CNTN5: variants seen among roughly 807,000 people sequenced by gnomAD.
The protein encoded by CNTN5 is contactin-5.
In CNTN5, 77 loss-of-function variants were observed where a neutral mutation model predicts 129.1. That is an observed-to-expected ratio of 0.60 (90% CI 0.50 to 0.72). The LOEUF is 0.72. CNTN5 is among the 30% of genes least tolerant of loss of function. The pLI is 0.00. For missense variants in CNTN5, 1,478 were observed against 1,328.8 expected, an observed-to-expected ratio of 1.11 and a Z score of -1.75; for synonymous variants, 509 against 465.6, an observed-to-expected ratio of 1.09 and a Z score of -1.20.
chr11:99,273,818 A>G (rs954838367), intron 1 of CNTN5, among the ~76,000 whole-genome samples: 1 of 151,728 alleles, frequency 6.6e-6, no homozygotes, highest in Admixed American at 6.6e-5. Flanking sequence ...TGAATAGTCA[A>G]ATCATCTTCA....
intron 1 of CNTN5, among the ~76,000 whole-genome samples, chr11:99,027,101 T>G (rs1360849727): frequency 6.9e-6 from 1 of 144,664 alleles, no homozygotes; most frequent in Non-Finnish European, 1.5e-5. Flanking sequence ...ACAGAAGGGG[T>G]TTTTTTTTTG....
chr11:99,257,932 G>A lies in CNTN5; in HGVS notation c.-209-67414G>A, dbSNP rs775171323. ...GAAAGAAGTATCATTCCTATTTTAC[G>A]CTTAAGAGACAAGAGGTTGACTCAC... On this transcript the variant is annotated intron_variant, in intron 1 of 24. Transcript: ENST00000524871. Among the ~76,000 whole-genome samples, 5 of 151,938 alleles carry A rather than the reference G, an allele frequency of 3.3e-5. No individual in the cohort carries two copies. The Middle Eastern group carries it at 0.01, about 310-fold the overall frequency.
intron 9 of CNTN5, among the ~76,000 whole-genome samples, chr11:100,031,775 T>C (rs1337443014): frequency 6.6e-6 from 1 of 152,224 alleles, no homozygotes; most frequent in Non-Finnish European, 1.5e-5. Flanking sequence ...ACTGTACTTC[T>C]ACATACAGGT....
At chr11:100,018,234 A>G (rs954574428) in intron 9 of CNTN5, among the ~76,000 whole-genome samples, 1 of 151,966 alleles carries the variant, frequency 6.6e-6, no homozygotes, top group Admixed American at 6.6e-5. Flanking sequence ...AAACCATCGC[A>G]CAATCCACAT....
intron 6 of CNTN5, among the ~76,000 whole-genome samples, chr11:99,878,077 T>A (rs536786147): frequency 1.3e-5 from 2 of 152,222 alleles, no homozygotes; most frequent in Non-Finnish European, 2.9e-5. Flanking sequence ...GCATACATTA[T>A]AACTGTACCA....
chr11:99,565,587 T>A (rs1413251152), intron 3 of CNTN5, among the ~76,000 whole-genome samples: 6 of 152,202 alleles, frequency 3.9e-5, no homozygotes, highest in Non-Finnish European at 8.8e-5. Context: ...TACCACTTGG[T>A]ATTCAAAGAG....
intron 15 of CNTN5, among the ~76,000 whole-genome samples, chr11:100,201,877 T>C (rs1948786993): frequency 6.6e-6 from 1 of 151,966 alleles, no homozygotes; most frequent in Admixed American, 6.6e-5. Context: ...AAGAGAGTTA[T>C]CTGGTTCAAG....
intron 1 of CNTN5, among the ~76,000 whole-genome samples, chr11:99,028,018 A>G (rs1160670242): frequency 1.3e-5 from 2 of 151,744 alleles, no homozygotes; most frequent in African/African-American, 4.8e-5. Flanking sequence ...AGCCCAATGA[A>G]TAGTCATTTT....
chr11:99,513,010 C>T (rs1274710012), intron 2 of CNTN5, among the ~76,000 whole-genome samples: 4 of 152,052 alleles, frequency 2.6e-5, no homozygotes, highest in African/African-American at 2.4e-5. Flanking sequence ...CCTCTTATGC[C>T]AAACAGTTAG....
intron 6 of CNTN5, among the ~76,000 whole-genome samples, chr11:99,885,600 G>A (rs914410790): frequency 6.6e-6 from 1 of 152,120 alleles, no homozygotes; most frequent in African/African-American, 2.4e-5. Flanking sequence ...TAACAGGAAC[G>A]TTTTAAGATG....
chr11:99,593,655 G>C (rs147618897), intron 3 of CNTN5, among the ~76,000 whole-genome samples: 1 of 152,292 alleles, frequency 6.6e-6, no homozygotes, highest in Non-Finnish European at 1.5e-5. Context: ...GAAAAACAAA[G>C]TTAGTATTTT....
At chr11:99,086,858 G>A (rs577832876) in intron 1 of CNTN5, among the ~76,000 whole-genome samples, 3 of 152,120 alleles carry the variant, frequency 2.0e-5, no homozygotes, top group Non-Finnish European at 4.4e-5. Flanking sequence ...TCTATAAAAT[G>A]TTTACCATAT....
chr11:100,068,123 A>C (rs1163193834), intron 10 of CNTN5, among the ~76,000 whole-genome samples: 1 of 152,204 alleles, frequency 6.6e-6, no homozygotes, highest in African/African-American at 2.4e-5. Context: ...AGTCTAACAA[A>C]TACAATCAGT....
At chr11:99,306,557 A>G (rs998669706) in intron 1 of CNTN5, among the ~76,000 whole-genome samples, 2 of 151,972 alleles carry the variant, frequency 1.3e-5, no homozygotes, top group African/African-American at 2.4e-5. Flanking sequence ...AATTGTTAAT[A>G]TGAATTTCTC....
intron 24 of CNTN5, among the ~76,000 whole-genome samples, chr11:100,355,382 C>A (rs986608553): frequency 1.3e-5 from 2 of 151,626 alleles, no homozygotes; most frequent in African/African-American, 4.8e-5. Context: ...GATAATAATG[C>A]CGCCTTCTGG....
rs773578991 is a variant in CNTN5, at chr11:99,916,158, G to A, written c.673+9G>A. On this transcript the variant is annotated intron_variant, in intron 7 of 24. Transcript: ENST00000524871. ...TCCGCCACATTCACCAGGTACAGTA[G>A]GATCTCATTCTTTGCTGCTGCTGCT... The A allele has an allele frequency of 5.6e-6, 9 of 1,605,550 alleles. No individual in the cohort carries two copies. In the African/African-American group the frequency reaches 1.2e-4, roughly 21 times the overall value.
chr11:99,831,702 A>C (rs1947145806), intron 4 of CNTN5, among the ~76,000 whole-genome samples: 1 of 152,174 alleles, frequency 6.6e-6, no homozygotes, highest in African/African-American at 2.4e-5. Flanking sequence ...GTTGTCTTAT[A>C]AAATCCACTT....
Position 99,506,067 on chromosome 11 carries a change from A to C in CNTN5, c.-70-50078A>C, listed in dbSNP as rs149317646. On this transcript the variant is annotated intron_variant, in intron 2 of 24. Coordinates refer to ENST00000524871, the MANE Select transcript of CNTN5 (RefSeq NM_014361.4). Reference sequence around the variant, plus strand: ...AATCCCTCACCTTAGGCTGCTGCATAATGCATTCCAGCTTGTTGCTCTGAG... The same window carrying C: ...AATCCCTCACCTTAGGCTGCTGCATCATGCATTCCAGCTTGTTGCTCTGAG... 1.4e-3 allele frequency among the ~76,000 whole-genome samples: 217 copies of C among 152,288 alleles called. 8 individuals are homozygous for C. In the East Asian group the frequency reaches 0.038, roughly 27 times the overall value.
chr11:99,997,120 T>C (rs996828424), intron 8 of CNTN5, among the ~76,000 whole-genome samples: 1 of 152,230 alleles, frequency 6.6e-6, no homozygotes, highest in Non-Finnish European at 1.5e-5. Flanking sequence ...TATTTGATTC[T>C]TCTCTCTTTT....
Sources: allele counts gnomAD v4.1 joint callset (sites outside exome capture counted in the v4.1 genomes callset), GRCh38; gene constraint gnomAD v4.1.1; transcripts MANE v1.5; gene names NCBI Gene and HGNC (gene_info 2026-07-23, HGNC 2026-07-21).